KCNIP4: variants seen among roughly 807,000 people sequenced by gnomAD.
KCNIP4 encodes the protein Kv channel-interacting protein 4.
KCNIP4 carries 12 observed loss-of-function variants against 34.0 expected under a neutral mutation model. The ratio of observed to expected loss-of-function variants is 0.35; its 90% CI spans 0.23 to 0.57. KCNIP4 has a LOEUF of 0.57. Among genes scored for constraint, KCNIP4 ranks in the 20% least tolerant of loss-of-function variants. The pLI is 0.83. For missense variants in KCNIP4, 238 were observed against 311.7 expected (o/e 0.76, Z 1.78); for synonymous variants, 124 against 102.2 (o/e 1.21, Z -1.29).
intron 1 of KCNIP4, among the ~76,000 whole-genome samples, chr4:20,999,388 A>G (rs538882394): frequency 4.5e-4 from 68 of 151,462 alleles, no homozygotes; most frequent in Non-Finnish European, 9.6e-4. Context: ...AGAGCACCCA[A>G]AAAAGAGGGT....
chr4:21,509,987 G>A (rs562245298), intron 1 of KCNIP4, among the ~76,000 whole-genome samples: 279 of 146,978 alleles, frequency 1.9e-3, no homozygotes, highest in Non-Finnish European at 3.1e-3. Context: ...GTGTGGTGGC[G>A]CCTGCCTGTA....
At chr4:20,929,164 A>C (rs1730186914) in intron 1 of KCNIP4, among the ~76,000 whole-genome samples, 1 of 151,644 alleles carries the variant, frequency 6.6e-6, no homozygotes, top group Non-Finnish European at 1.5e-5. Context: ...TCAACATCAC[A>C]TCAAAAAGAT....
At chr4:21,206,953 G>A (rs1427541939) in intron 1 of KCNIP4, among the ~76,000 whole-genome samples, 6 of 152,094 alleles carry the variant, frequency 3.9e-5, no homozygotes, top group African/African-American at 9.7e-5. Context: ...ACTCATTGTC[G>A]CTTTAGAGAT....
chr4:21,563,877 T>C (rs1739641621), intron 1 of KCNIP4, among the ~76,000 whole-genome samples: 2 of 152,220 alleles, frequency 1.3e-5, no homozygotes, highest in South Asian at 4.1e-4. Flanking sequence ...GGTTATCTAT[T>C]GCCTGTTTTG....
At chr4:20,884,384 T>A (rs1199655632) in intron 1 of KCNIP4, among the ~76,000 whole-genome samples, 1 of 152,082 alleles carries the variant, frequency 6.6e-6, no homozygotes, top group Non-Finnish European at 1.5e-5. Flanking sequence ...ATGTCCTTAA[T>A]ATTTCCCTCC....
intron 3 of KCNIP4, among the ~76,000 whole-genome samples, chr4:20,830,477 C>G (rs1264741135): frequency 6.6e-6 from 1 of 151,866 alleles, no homozygotes; most frequent in Non-Finnish European, 1.5e-5. Context: ...TATGGGAATC[C>G]TAGATTCTGC....
At chr4:21,302,706 C>A (rs1024674429) in intron 1 of KCNIP4, among the ~76,000 whole-genome samples, 4 of 152,056 alleles carry the variant, frequency 2.6e-5, no homozygotes, top group Middle Eastern at 3.2e-3. Context: ...CCGCCTCCTG[C>A]GCCCTGCATC....
intron 1 of KCNIP4, among the ~76,000 whole-genome samples, chr4:21,489,940 A>AT (rs144338619): frequency 0.063 from 9,564 of 152,114 alleles, 381 homozygotes; most frequent in Admixed American, 0.068. Flanking sequence ...CTTTGGTGAG[A>AT]TTTTCAATTT....
At chr4:21,947,543 A>C (rs1368746458) in intron 1 of KCNIP4, among the ~76,000 whole-genome samples, 1 of 152,190 alleles carries the variant, frequency 6.6e-6, no homozygotes, top group Non-Finnish European at 1.5e-5. Context: ...TCATGGCCAT[A>C]AATTCGAATG....
At chr4:20,946,931 T>C (rs1186264916) in intron 1 of KCNIP4, among the ~76,000 whole-genome samples, 4 of 152,166 alleles carry the variant, frequency 2.6e-5, no homozygotes, top group African/African-American at 4.8e-5. Context: ...TTCAGATGTA[T>C]TGAATAAGAA....
intron 1 of KCNIP4, among the ~76,000 whole-genome samples, chr4:21,795,084 T>C (rs1230297563): frequency 1.3e-5 from 2 of 152,092 alleles, no homozygotes; most frequent in Non-Finnish European, 2.9e-5. Flanking sequence ...AGATTGTACC[T>C]CAAAATGAGA....
At chr4:20,949,299 C>A (rs564128255) in intron 1 of KCNIP4, among the ~76,000 whole-genome samples, 2 of 152,290 alleles carry the variant, frequency 1.3e-5, no homozygotes, top group Non-Finnish European at 2.9e-5. Flanking sequence ...AAAAATAGTA[C>A]CAGTACCCCT....
chr4:21,375,195 TTTA>T (rs141012633), intron 1 of KCNIP4, among the ~76,000 whole-genome samples: 7,352 of 134,196 alleles, frequency 0.055, 991 homozygotes, highest in African/African-American at 0.15. Context: ...GCCTTTTATG[TTTA>T]TTGTTTTCAT....
At chr4:20,915,722 T>C (rs139927139) in intron 1 of KCNIP4, among the ~76,000 whole-genome samples, 1 of 152,176 alleles carries the variant, frequency 6.6e-6, no homozygotes, top group Non-Finnish European at 1.5e-5. Flanking sequence ...AATAAAGCAA[T>C]AGTATTTGAT....
chr4:21,576,621 C>T (rs1343542342), intron 1 of KCNIP4, among the ~76,000 whole-genome samples: 1 of 152,050 alleles, frequency 6.6e-6, no homozygotes, highest in African/African-American at 2.4e-5. Flanking sequence ...TATAAGTCCC[C>T]GATTACTCAT....
intron 1 of KCNIP4, among the ~76,000 whole-genome samples, chr4:21,842,337 G>A (rs1723736106): frequency 6.6e-6 from 1 of 151,926 alleles, no homozygotes; most frequent in South Asian, 2.1e-4. Flanking sequence ...GCTCCAATGA[G>A]ATGCTTTTGC....
chr4:20,730,136 G>C lies in KCNIP4; in HGVS notation c.706-7C>G, dbSNP rs768990870. 1.2e-6 allele frequency: 2 copies of C among 1,604,624 alleles called. No homozygotes were observed. Among genetic ancestry groups the C allele is most frequent in the South Asian group, 2.2e-5 (2 of 89,232 alleles). On this transcript the variant is annotated splice_polypyrimidine_tract_variant and splice_region_variant and intron_variant, in intron 8 of 8. Coordinates refer to ENST00000382152, the MANE Select transcript of KCNIP4 (RefSeq NM_025221.6). ...AGCGCATTATGTTTTCATCCTGTAA[G>C]GGAGAAACACAGAGCGATTAAATTC...
At chr4:20,894,170 CG>C in intron 1 of KCNIP4, among the ~76,000 whole-genome samples, 1 of 152,144 alleles carries the variant, frequency 6.6e-6, no homozygotes, top group East Asian at 1.9e-4. Context: ...CGTGAGCCAC[CG>C]GGTTGAAGCA....
At chr4:21,368,019 A>G (rs1719956795) in intron 1 of KCNIP4, among the ~76,000 whole-genome samples, 1 of 147,240 alleles carries the variant, frequency 6.8e-6, no homozygotes, top group Non-Finnish European at 1.5e-5. Context: ...CCAGGCTGAG[A>G]CAAAATGGTG....
Sources: allele counts gnomAD v4.1 joint callset (sites outside exome capture counted in the v4.1 genomes callset), GRCh38; gene constraint gnomAD v4.1.1; transcripts MANE v1.5; gene names NCBI Gene and HGNC (gene_info 2026-07-23, HGNC 2026-07-21).